The following TCF4 variants were observed in gnomAD, a reference collection of about 807,000 sequenced individuals.
TCF4 encodes SL3-3 enhancer factor 2.
In TCF4, 3 loss-of-function variants were observed where a neutral mutation model predicts 82.1. That is an observed-to-expected ratio of 0.04 (90% CI 0.02 to 0.09). TCF4 has a LOEUF of 0.09. Among genes scored for constraint, TCF4 ranks in the 10% least tolerant of loss-of-function variants. The pLI is 1.00. For synonymous variants in TCF4, 276 were observed against 309.6 expected, an observed-to-expected ratio of 0.89 and a Z score of 1.14; for missense variants, 518 against 852.7, an observed-to-expected ratio of 0.61 and a Z score of 4.89.
chr18:55,290,490 A>G (rs1252394857), intron 8 of TCF4, among the ~76,000 whole-genome samples: 1 of 152,194 alleles, frequency 6.6e-6, no homozygotes, highest in African/African-American at 2.4e-5. Flanking sequence ...TTTTCCCAAT[A>G]ATCAATTTTT....
chr18:55,561,230 C>T (rs190761526), intron 3 of TCF4, among the ~76,000 whole-genome samples: 1 of 152,216 alleles, frequency 6.6e-6, no homozygotes, highest in African/African-American at 2.4e-5. Flanking sequence ...TCCAATGATA[C>T]AGATTTCCTA....
chr18:55,612,962 T>C (rs2097708502), intron 2 of TCF4, among the ~76,000 whole-genome samples: 1 of 151,992 alleles, frequency 6.6e-6, no homozygotes, highest in Non-Finnish European at 1.5e-5. Flanking sequence ...AATATATATA[T>C]ATTGTTTAGT....
chr18:55,544,796 A>G (rs2097191872), intron 3 of TCF4, among the ~76,000 whole-genome samples: 2 of 152,106 alleles, frequency 1.3e-5, no homozygotes, highest in African/African-American at 4.8e-5. Flanking sequence ...CAACATGCAC[A>G]CCTACGAGTT....
intron 12 of TCF4, among the ~76,000 whole-genome samples, chr18:55,260,772 C>G (rs891893719): frequency 6.6e-6 from 1 of 152,094 alleles, no homozygotes; most frequent in African/African-American, 2.4e-5. Flanking sequence ...GTTGGCCAGG[C>G]TAGTCTTGAA....
At chr18:55,336,688 GA>G (rs1349514074) in intron 8 of TCF4, among the ~76,000 whole-genome samples, 1 of 152,016 alleles carries the variant, frequency 6.6e-6, no homozygotes, top group Non-Finnish European at 1.5e-5. Flanking sequence ...TTGGTGCAAA[GA>G]AAAAAATTTT....
At chr18:55,396,798 C>T (rs770866625) in intron 6 of TCF4, among the ~76,000 whole-genome samples, 105 of 152,194 alleles carry the variant, frequency 6.9e-4, no homozygotes, top group Non-Finnish European at 8.7e-4. Context: ...TTAATGCTTC[C>T]AACATCCTCC....
intron 15 of TCF4, among the ~76,000 whole-genome samples, chr18:55,244,190 C>A (rs2052286597): frequency 6.6e-6 from 1 of 152,164 alleles, no homozygotes; most frequent in Non-Finnish European, 1.5e-5. Context: ...TTTAGTGGTT[C>A]CACATGTTTT....
intron 8 of TCF4, among the ~76,000 whole-genome samples, chr18:55,298,103 T>C (rs752023383): frequency 2.5e-4 from 38 of 152,180 alleles, no homozygotes; most frequent in Non-Finnish European, 4.6e-4. Flanking sequence ...GCAAACCAAA[T>C]TGATGTTGGG....
intron 6 of TCF4, among the ~76,000 whole-genome samples, chr18:55,365,056 G>C (rs1264005183): frequency 2.0e-5 from 3 of 150,310 alleles, no homozygotes; most frequent in Non-Finnish European, 4.4e-5. Context: ...AAGAGGCTGA[G>C]GGAGGAGAAT....
intron 3 of TCF4, among the ~76,000 whole-genome samples, chr18:55,473,998 T>G (rs2096240869): frequency 1.3e-5 from 2 of 152,150 alleles, no homozygotes; most frequent in Non-Finnish European, 2.9e-5. Flanking sequence ...AACACGCAGT[T>G]CCTACTGTTT....
chr18:55,411,796 T>G (rs560903136), intron 5 of TCF4, among the ~76,000 whole-genome samples: 2 of 152,304 alleles, frequency 1.3e-5, no homozygotes, highest in African/African-American at 4.8e-5. Context: ...TGGAGTACAG[T>G]GGCATGCAGT....
At chr18:55,587,461 TCAGC>T (rs1287239742) in intron 1 of TCF4, among the ~76,000 whole-genome samples, 13 of 144,936 alleles carry the variant, frequency 9.0e-5, no homozygotes, top group Admixed American at 7.6e-4. Flanking sequence ...AAGCCGCTCT[TCAGC>T]GCATCATTTT....
intron 15 of TCF4, among the ~76,000 whole-genome samples, chr18:55,251,692 A>G (rs1298080664): frequency 6.6e-6 from 1 of 152,196 alleles, no homozygotes; most frequent in Non-Finnish European, 1.5e-5. Flanking sequence ...GACTGGGATG[A>G]GTATCAAGTT....
In TCF4 at chr18:55,257,332, C is replaced by T; in HGVS notation, c.1129G>A (p.Gly377Arg). 1 of 1,613,682 alleles carries T rather than the reference C, an allele frequency of 6.2e-7. No homozygotes were observed. The highest frequency in any genetic ancestry group is 8.5e-7 in the Non-Finnish European group (1 of 1,179,722). ...AGACATACCAAAGAGTGTAAGGGTC[C>T]TTCATAATTAGGAGACGATGAGGCC... ...GQASSSPNYE[G>R]PLHSLQSRIE... Residue 377 changes from glycine to arginine, a missense_variant, in exon 14 of 20, where the codon GGA becomes AGA. Gly to Arg is a moderately radical substitution (Grantham distance 125). Transcript: ENST00000354452.
At chr18:55,569,537 T>G (rs1603623706) in intron 3 of TCF4, among the ~76,000 whole-genome samples, 3 of 151,776 alleles carry the variant, frequency 2.0e-5, no homozygotes, top group South Asian at 4.2e-4. Context: ...AGAGTGAGAT[T>G]CCATCTCTAA....
intron 2 of TCF4, among the ~76,000 whole-genome samples, chr18:55,586,586 C>T (rs2097652411): frequency 6.6e-6 from 1 of 152,176 alleles, no homozygotes; most frequent in Admixed American, 6.5e-5. Flanking sequence ...GGAACAGGTC[C>T]TACCAATCCA....
At chr18:55,317,411 A>T (rs912094408) in intron 8 of TCF4, among the ~76,000 whole-genome samples, 2 of 152,060 alleles carry the variant, frequency 1.3e-5, no homozygotes, top group African/African-American at 4.8e-5. Flanking sequence ...AATAGTAAGT[A>T]TAAGAAATAT....
chr18:55,619,338 A>G (rs535521808), intron 2 of TCF4, among the ~76,000 whole-genome samples: 4 of 152,294 alleles, frequency 2.6e-5, no homozygotes, highest in African/African-American at 9.6e-5. Context: ...ATTGCTAATC[A>G]TATTAGCTTA....
At chr18:55,383,513 T>C (rs568512226) in intron 6 of TCF4, among the ~76,000 whole-genome samples, 77 of 152,238 alleles carry the variant, frequency 5.1e-4, no homozygotes, top group African/African-American at 1.8e-3. Context: ...ATTGTACCAA[T>C]CCCAGTAGAT....
Sources: allele counts gnomAD v4.1 joint callset (sites outside exome capture counted in the v4.1 genomes callset), GRCh38; gene constraint gnomAD v4.1.1; transcripts MANE v1.5; gene names NCBI Gene and HGNC (gene_info 2026-07-23, HGNC 2026-07-21).